The following WDR27 variants were observed in gnomAD, a reference collection of about 807,000 sequenced individuals.
WDR27 encodes WD repeat-containing protein 27.
A neutral mutation model predicts 114.4 loss-of-function variants in WDR27; 100 were observed. The observed-to-expected ratio is 0.87, with a 90% CI of 0.74 to 1.03. WDR27 has a LOEUF of 1.03. WDR27 is among the 50% of genes least tolerant of loss of function. The probability of loss-of-function intolerance (pLI) is 0.00; values close to 1 mark genes in which losing one functional copy is unlikely to be tolerated. For synonymous variants in WDR27, 449 were observed against 423.1 expected (o/e 1.06, Z -0.75); for missense variants, 1,129 against 1,092.9 (o/e 1.03, Z -0.47).
chr6:169,678,641 G>C (rs1780696950), intron 2 of WDR27, among the ~76,000 whole-genome samples: 1 of 152,104 alleles, frequency 6.6e-6, no homozygotes, highest in Non-Finnish European at 1.5e-5. Context: ...CCTTTCTAAG[G>C]GGTCTGGGGA....
At chr6:169,433,394 T>C in the WDR27 span, among the ~76,000 whole-genome samples, 2 of 152,246 alleles carry the variant, frequency 1.3e-5, no homozygotes, top group African/African-American at 2.4e-5. Context: ...TCCAGCTTCA[T>C]CCATGTCCCT....
At chr6:169,642,201 A>G (rs1329498261) in intron 17 of WDR27, among the ~76,000 whole-genome samples, 7 of 152,122 alleles carry the variant, frequency 4.6e-5, no homozygotes, top group Non-Finnish European at 1.0e-4. Flanking sequence ...GTGCTGAGAG[A>G]CCAGTCATAT....
chr6:169,563,099 G>A (rs1799899713), intron 25 of WDR27, among the ~76,000 whole-genome samples: 1 of 152,176 alleles, frequency 6.6e-6, no homozygotes, highest in South Asian at 2.1e-4. Flanking sequence ...CATCGAGTGA[G>A]GAGACAATAA....
intron 23 of WDR27, among the ~76,000 whole-genome samples, chr6:169,586,846 T>TAAA (rs1562637769): frequency 5.2e-4 from 1 of 1,930 alleles, no homozygotes; most frequent in Non-Finnish European, 2.4e-3. Context: ...AGACTCTGTC[T>TAAA]CAAAAAAAAA....
chr6:169,496,320 T>C (rs1321465568), intron 25 of WDR27, among the ~76,000 whole-genome samples: 1 of 152,070 alleles, frequency 6.6e-6, no homozygotes, highest in African/African-American at 2.4e-5. Context: ...AAGCCATATA[T>C]GAAAAACACA....
intron 23 of WDR27, among the ~76,000 whole-genome samples, chr6:169,596,421 T>C (rs1806801574): frequency 1.3e-5 from 2 of 152,128 alleles, no homozygotes; most frequent in South Asian, 4.1e-4. Context: ...TTTTTTCTAA[T>C]GCTTTCCTAA....
At chr6:169,593,735 G>C (rs1806216271) in intron 23 of WDR27, among the ~76,000 whole-genome samples, 1 of 152,090 alleles carries the variant, frequency 6.6e-6, no homozygotes. Context: ...TGTAATCCCA[G>C]CTACTCAGGA....
At chr6:169,597,867 T>C (rs115444655) in intron 23 of WDR27, among the ~76,000 whole-genome samples, 1,651 of 129,778 alleles carry the variant, frequency 0.013, 38 homozygotes, top group African/African-American at 0.047. Context: ...ACTTCACCTC[T>C]TACCATTCAT....
At chr6:169,498,514 T>C (rs1467535856) in intron 25 of WDR27, among the ~76,000 whole-genome samples, 2 of 152,188 alleles carry the variant, frequency 1.3e-5, no homozygotes, top group African/African-American at 4.8e-5. Flanking sequence ...TGTAAAACTA[T>C]AGGAATTTTA....
intron 25 of WDR27, among the ~76,000 whole-genome samples, chr6:169,534,221 C>T (rs926916672): frequency 6.6e-6 from 1 of 152,210 alleles, no homozygotes; most frequent in African/African-American, 2.4e-5. Flanking sequence ...ACCAACCTTG[C>T]ATTCCGGGGA....
At chr6:169,439,391 T>C in the WDR27 span, among the ~76,000 whole-genome samples, 1 of 152,122 alleles carries the variant, frequency 6.6e-6, no homozygotes, top group Non-Finnish European at 1.5e-5. Flanking sequence ...GTTCTAATTT[T>C]TTGGTCATCT....
At chr6:169,658,505 G>T (rs1011774391) in intron 12 of WDR27, 147 bp from the exon 13 acceptor site, 1 of 632,918 alleles carries the variant, frequency 1.6e-6, no homozygotes, top group South Asian at 2.0e-5. Context: ...AAACTGTCAA[G>T]TGTATTCTTA....
chr6:169,509,422 G>A (rs372255258), intron 25 of WDR27, among the ~76,000 whole-genome samples: 20 of 152,106 alleles, frequency 1.3e-4, no homozygotes, highest in Admixed American at 6.6e-4. Flanking sequence ...GTACTGGTAC[G>A]AAAACAGAGA....
intron 2 of WDR27, among the ~76,000 whole-genome samples, chr6:169,687,520 G>A (rs1783316827): frequency 6.6e-6 from 1 of 152,072 alleles, no homozygotes; most frequent in Non-Finnish European, 1.5e-5. Flanking sequence ...TTATAATTAG[G>A]TACCACTATG....
intron 16 of WDR27, among the ~76,000 whole-genome samples, chr6:169,646,701 T>C (rs558414801): frequency 1.3e-5 from 2 of 151,324 alleles, no homozygotes; most frequent in Non-Finnish European, 2.9e-5. Flanking sequence ...TGAGCCGAGA[T>C]TGTGCCACTG....
In WDR27 at chr6:169,672,319, G is replaced by A. The variant is rs1778958219; in HGVS notation, c.267C>T (p.Cys89=). 6.2e-7 allele frequency: 1 copy of A among 1,613,530 alleles called. No individual in the cohort carries two copies. The highest frequency in any genetic ancestry group is 1.3e-5 in the African/African-American group (1 of 74,918). ...TTATAACATAATCCAGTGATGCTGAGCAGATTAGAAGTGGGTTCACTTTAT... is the reference window on the plus strand; with the variant it reads ...TTATAACATAATCCAGTGATGCTGAACAGATTAGAAGTGGGTTCACTTTAT... The part of the protein sequence containing the change: ...FGNKVNPLLI[C]SASLDYVIMW... Residue 89 remains cysteine, a synonymous_variant, in exon 3 of 26, where the codon TGC becomes TGT. Transcript: ENST00000448612.
At chr6:169,493,492 T>C (rs1790029216) in intron 25 of WDR27, among the ~76,000 whole-genome samples, 1 of 151,814 alleles carries the variant, frequency 6.6e-6, no homozygotes, top group African/African-American at 2.4e-5. Context: ...ACTTAAGATG[T>C]TCAAATTTTT....
At chr6:169,690,141 T>C (rs886587153) in intron 1 of WDR27, among the ~76,000 whole-genome samples, 14 of 150,296 alleles carry the variant, frequency 9.3e-5, no homozygotes, top group Non-Finnish European at 1.8e-4. Context: ...ATGCTGGTCA[T>C]GTGGATTCAA....
intron 2 of WDR27, among the ~76,000 whole-genome samples, chr6:169,687,834 T>C (rs1378764389): frequency 1.3e-5 from 2 of 152,170 alleles, no homozygotes; most frequent in Non-Finnish European, 2.9e-5. Flanking sequence ...TTGACCCACA[T>C]TGCGTTGAAA....
Sources: allele counts gnomAD v4.1 joint callset (sites outside exome capture counted in the v4.1 genomes callset), GRCh38; gene constraint gnomAD v4.1.1; transcripts MANE v1.5; gene names NCBI Gene and HGNC (gene_info 2026-07-23, HGNC 2026-07-21).